Variants in ZNF654 observed in about 807,000 individuals in gnomAD.
ZNF654 encodes the protein zinc finger protein 654.
A neutral mutation model predicts 95.3 loss-of-function variants in ZNF654; 19 were observed. The observed-to-expected ratio is 0.20, with a 90% confidence interval of 0.14 to 0.29. ZNF654 has a LOEUF of 0.29. Ranked by LOEUF, ZNF654 falls within the 10% of genes least tolerant of loss-of-function variation. The pLI, the probability that ZNF654 is intolerant of heterozygous loss-of-function variation, is 1.00. For synonymous variants in ZNF654, 413 were observed against 457.9 expected (o/e 0.90, Z 1.25); for missense variants, 1,046 against 1,341.0 (o/e 0.78, Z 3.44).
At chr3:88,060,151 A>T (rs535169228) in intron 1 of ZNF654, among the ~76,000 whole-genome samples, 3 of 151,234 alleles carry the variant, frequency 2.0e-5, no homozygotes, top group African/African-American at 7.3e-5. Flanking sequence ...TGACACACGC[A>T]CTCTTTTCTA....
At chr3:88,066,309 C>A (rs942079641) in intron 1 of ZNF654, among the ~76,000 whole-genome samples, 1 of 152,172 alleles carries the variant, frequency 6.6e-6, no homozygotes, top group African/African-American at 2.4e-5. Flanking sequence ...TGTGGTGGCT[C>A]ACACCTGTAA....
At chr3:88,136,143 T>C (rs1706770367) in intron 7 of ZNF654, among the ~76,000 whole-genome samples, 1 of 152,188 alleles carries the variant, frequency 6.6e-6, no homozygotes, top group African/African-American at 2.4e-5. Context: ...TAACATTTGA[T>C]GTGCATCAGA....
chr3:88,136,701 G>C (rs1375683264), intron 7 of ZNF654, among the ~76,000 whole-genome samples: 1 of 152,190 alleles, frequency 6.6e-6, no homozygotes, highest in Non-Finnish European at 1.5e-5. Flanking sequence ...GACTGTGTGT[G>C]TTAGGAGGAG....
intron 3 of ZNF654, among the ~76,000 whole-genome samples, chr3:88,116,717 T>C (rs1325023544): frequency 6.6e-6 from 1 of 152,020 alleles, no homozygotes; most frequent in Non-Finnish European, 1.5e-5. Flanking sequence ...GCCAGCCCCA[T>C]TACCCAGAGG....
rs113904298 is a variant in ZNF654, at chr3:88,071,983, C to G, written c.186+12478C>G. Among the ~76,000 whole-genome samples the G allele has an allele frequency of 8.8e-3, 1,339 of 152,232 alleles. 26 individuals carry two copies. Among genetic ancestry groups the G allele is most frequent in the African/African-American group, 0.031 (1,295 of 41,532 alleles). ...TATTTTTCTTGTCAAACAGTACATA[C>G]TTTTTCTTACTATCAATCAGTTGAA... On this transcript the variant is annotated intron_variant, in intron 1 of 8. Coordinates refer to ENST00000636215, the MANE Select transcript of ZNF654 (RefSeq NM_001350134.2).
At chr3:88,069,786 T>G (rs1214998975) in intron 1 of ZNF654, among the ~76,000 whole-genome samples, 1 of 152,242 alleles carries the variant, frequency 6.6e-6, no homozygotes, top group Non-Finnish European at 1.5e-5. Context: ...ACCAAAGTTA[T>G]GGTGACTGCA....
chr3:88,083,696 G>GT (rs142742207), intron 1 of ZNF654, among the ~76,000 whole-genome samples: 8,664 of 152,190 alleles, frequency 0.057, 269 homozygotes, highest in Admixed American at 0.078. Flanking sequence ...TAGAACTGTA[G>GT]TAAGAGTGGG....
At chr3:88,109,239 T>C (rs1424520869) in intron 2 of ZNF654, among the ~76,000 whole-genome samples, 1 of 151,698 alleles carries the variant, frequency 6.6e-6, no homozygotes, top group Non-Finnish European at 1.5e-5. Context: ...AGAAAATATT[T>C]TGAAGATTAA....
intron 2 of ZNF654, among the ~76,000 whole-genome samples, chr3:88,102,235 C>T (rs1704468545): frequency 6.6e-6 from 1 of 152,026 alleles, no homozygotes. Context: ...TTTTTGTCAG[C>T]TTTTGGAAAT....
intron 2 of ZNF654, among the ~76,000 whole-genome samples, chr3:88,101,840 T>C (rs1268644526): frequency 1.3e-5 from 2 of 152,184 alleles, no homozygotes; most frequent in East Asian, 3.9e-4. Context: ...ATCTTTTTCA[T>C]AATAGCCATT....
Position 88,139,748 on chromosome 3 carries a change from A to C in ZNF654, c.2079A>C (p.Leu693Phe). 6.4e-7 allele frequency: 1 copy of C among 1,555,050 alleles called. No homozygotes were observed. Among genetic ancestry groups the C allele is most frequent in the Non-Finnish European group, 8.7e-7 (1 of 1,148,570 alleles). ...CTTTAAATAATGTTTTCAAGCCTTTAACTGAATGTGGGGATGATTATGAGG... is the reference window on the plus strand; with the variant it reads ...CTTTAAATAATGTTTTCAAGCCTTTCACTGAATGTGGGGATGATTATGAGG... ...NNSLNNVFKPLTECGDDYEEE... is the reference protein window; with the variant it reads ...NNSLNNVFKPFTECGDDYEEE... Residue 693 changes from leucine to phenylalanine, a missense_variant, in exon 8 of 9, where the codon TTA becomes TTC. Transcript: ENST00000636215.
rs867143087 is a variant in ZNF654 at position 88,114,238 on chromosome 3, G to C, written c.414+1042G>C. Among the ~76,000 whole-genome samples the C allele has an allele frequency of 3.3e-5, 5 of 152,166 alleles. No homozygotes were observed. The South Asian group carries it at 8.3e-4, about 25-fold the overall frequency. On this transcript the variant is annotated intron_variant, in intron 3 of 8. Transcript: ENST00000636215. ...AAAAATAAAGGAGGATGGGGATAGTGCTGGCATGGTGATATTGGGGAAGGA... is the reference window on the plus strand; with the variant it reads ...AAAAATAAAGGAGGATGGGGATAGTCCTGGCATGGTGATATTGGGGAAGGA...
rs1170100015 is a variant in ZNF654 at position 88,144,078 on chromosome 3, T to A, written c.*2426T>A. 3.3e-5 allele frequency: 5 copies of A among 152,296 alleles called. No homozygotes were observed. The East Asian group carries it at 9.6e-4, about 29-fold the overall frequency. The allele number at this position is 152,296 out of a possible 1,614,324, so 9.4% of individuals were successfully genotyped here. ...CTTTGTTTTTAAATAAAAATTTCCT[T>A]CAAAAAATTAAATGTTAAATTTCTG... On this transcript the variant is annotated 3_prime_UTR_variant, in exon 9 of 9. Coordinates refer to ENST00000636215, the MANE Select transcript of ZNF654 (RefSeq NM_001350134.2).
chr3:88,106,571 G>A (rs1704751024), intron 2 of ZNF654, among the ~76,000 whole-genome samples: 1 of 152,156 alleles, frequency 6.6e-6, no homozygotes, highest in African/African-American at 2.4e-5. Flanking sequence ...TCAAACTCCT[G>A]ACCTCAATTG....
chr3:88,108,462 C>G (rs984977370), intron 2 of ZNF654, among the ~76,000 whole-genome samples: 3 of 152,126 alleles, frequency 2.0e-5, no homozygotes, highest in Non-Finnish European at 4.4e-5. Context: ...GATTCACTTT[C>G]TGCGGTTTGT....
chr3:88,109,878 A>G (rs1704985394), intron 2 of ZNF654, among the ~76,000 whole-genome samples: 1 of 152,192 alleles, frequency 6.6e-6, no homozygotes, highest in Admixed American at 6.5e-5. Context: ...ACTGCTAAAT[A>G]TTATGATACA....
chr3:88,128,204 T>C (rs1230373891), intron 4 of ZNF654, among the ~76,000 whole-genome samples: 2 of 152,124 alleles, frequency 1.3e-5, no homozygotes, highest in Non-Finnish European at 2.9e-5. Context: ...GTTTATATAT[T>C]TTAAAATTGT....
At chr3:88,097,044 A>G (rs1012959275) in intron 2 of ZNF654, among the ~76,000 whole-genome samples, 3 of 152,136 alleles carry the variant, frequency 2.0e-5, no homozygotes, top group African/African-American at 7.2e-5. Flanking sequence ...TCTTATGTGT[A>G]TATCAAAATG....
intron 1 of ZNF654, among the ~76,000 whole-genome samples, chr3:88,071,327 T>C (rs1480469260): frequency 1.3e-5 from 2 of 151,566 alleles, no homozygotes; most frequent in Non-Finnish European, 2.9e-5. Flanking sequence ...CTGGCCAACA[T>C]GGTGAAACCC....
Sources: gnomAD v4.1 joint callset for allele counts (sites outside exome capture counted in the v4.1 genomes callset) on GRCh38, gnomAD v4.1.1 for gene constraint, MANE v1.5 for transcripts, NCBI Gene and HGNC (gene_info 2026-07-23, HGNC 2026-07-21) for gene names.